The following TENM3 variants were observed in gnomAD, a reference collection of about 807,000 sequenced individuals.
TENM3 encodes the protein teneurin transmembrane protein 3.
A neutral mutation model predicts 255.1 loss-of-function variants in TENM3; 63 were observed. That is an observed-to-expected ratio of 0.25 (90% CI 0.20 to 0.30). TENM3 has a LOEUF of 0.30. Among genes scored for constraint, TENM3 ranks in the 10% least tolerant of loss-of-function variants. TENM3 has a pLI of 1.00. For synonymous variants in TENM3, 1,306 were observed against 1,322.3 expected (o/e 0.99, Z 0.27); for missense variants, 2,929 against 3,461.1 (o/e 0.85, Z 3.86).
the TENM3 span, among the ~76,000 whole-genome samples, chr4:181,599,304 GA>G: frequency 6.6e-6 from 1 of 152,008 alleles, no homozygotes; most frequent in South Asian, 2.1e-4. Context: ...AAAGAGAGAC[GA>G]TTTCAGTGAA....
intron 12 of TENM3, among the ~76,000 whole-genome samples, chr4:182,704,335 A>T (rs1423868598): frequency 6.6e-6 from 1 of 152,194 alleles, no homozygotes; most frequent in Admixed American, 6.5e-5. Context: ...TGCCTTCTGC[A>T]CCTTGAGTGT....
intron 13 of TENM3, among the ~76,000 whole-genome samples, chr4:182,715,900 T>A (rs1362592224): frequency 1.3e-5 from 2 of 152,206 alleles, no homozygotes; most frequent in Admixed American, 1.3e-4. Flanking sequence ...CTGTTTTCTC[T>A]TAACTTGGAC....
At chr4:182,494,429 T>C (rs1392068979) in intron 3 of TENM3, among the ~76,000 whole-genome samples, 1 of 152,166 alleles carries the variant, frequency 6.6e-6, no homozygotes, top group Non-Finnish European at 1.5e-5. Flanking sequence ...TTATTACTGG[T>C]TATTGTTGTT....
At chr4:181,767,211 C>G in the TENM3 span, among the ~76,000 whole-genome samples, 1 of 140,114 alleles carries the variant, frequency 7.1e-6, no homozygotes, top group African/African-American at 2.6e-5. Context: ...GAGAAGGTGC[C>G]ACTGCGCTCC....
intron 3 of TENM3, among the ~76,000 whole-genome samples, chr4:182,593,585 A>T (rs933070429): frequency 6.6e-6 from 1 of 152,164 alleles, no homozygotes; most frequent in Non-Finnish European, 1.5e-5. Context: ...GCCAGGCCAC[A>T]TGGAGATCCA....
At chr4:181,819,874 T>C in the TENM3 span, 1 of 152,074 alleles carries the variant, frequency 6.6e-6, no homozygotes, top group African/African-American at 2.4e-5. Flanking sequence ...GGCCCAGGGG[T>C]TGGGGACCCC....
At chr4:182,569,758 C>T (rs1187165469) in intron 3 of TENM3, among the ~76,000 whole-genome samples, 1 of 152,080 alleles carries the variant, frequency 6.6e-6, no homozygotes, top group Non-Finnish European at 1.5e-5. Context: ...GATGACTATG[C>T]CACAGTGGAA....
At chr4:182,312,684 G>C (rs1381945764) in intron 1 of TENM3, among the ~76,000 whole-genome samples, 1 of 152,220 alleles carries the variant, frequency 6.6e-6, no homozygotes, top group East Asian at 1.9e-4. Context: ...AAAAGTAGTG[G>C]CCTCTATATT....
At chr4:181,836,304 T>C in the TENM3 span, among the ~76,000 whole-genome samples, 1 of 152,170 alleles carries the variant, frequency 6.6e-6, no homozygotes, top group African/African-American at 2.4e-5. Context: ...GTTTTTAAAA[T>C]GAAATTATAG....
At chr4:182,478,818 A>G (rs987696666) in intron 3 of TENM3, among the ~76,000 whole-genome samples, 4 of 151,918 alleles carry the variant, frequency 2.6e-5, no homozygotes. Context: ...ACTAGTTATG[A>G]TATTATAGAT....
chr4:181,757,459 AG>A, the TENM3 span, among the ~76,000 whole-genome samples: 1 of 152,172 alleles, frequency 6.6e-6, no homozygotes, highest in Non-Finnish European at 1.5e-5. Context: ...TGAAATCGTC[AG>A]GGTGCTGGAT....
intron 3 of TENM3, among the ~76,000 whole-genome samples, chr4:182,417,956 G>T (rs1770512270): frequency 6.6e-6 from 1 of 152,058 alleles, no homozygotes; most frequent in Non-Finnish European, 1.5e-5. Flanking sequence ...TATGTCTGAA[G>T]ATTTATGTGT....
At chr4:182,070,547 G>A in the TENM3 span, among the ~76,000 whole-genome samples, 2 of 152,174 alleles carry the variant, frequency 1.3e-5, no homozygotes, top group Admixed American at 6.5e-5. Context: ...AACCTGGGAG[G>A]TGGAGGATGC....
chr4:182,005,189 T>G, the TENM3 span, among the ~76,000 whole-genome samples: 11 of 152,246 alleles, frequency 7.2e-5, no homozygotes, highest in Non-Finnish European at 1.3e-4. Flanking sequence ...TTCTAGGATA[T>G]TTATGGTTTT....
chr4:182,230,892 C>T (rs1291671732), intron 1 of TENM3, among the ~76,000 whole-genome samples: 3 of 133,558 alleles, frequency 2.2e-5, no homozygotes, highest in Non-Finnish European at 4.7e-5. Context: ...ATAATTACAG[C>T]ACACGAAGAG....
chr4:182,150,889 G>C (rs1190965377), intron 1 of TENM3, among the ~76,000 whole-genome samples: 1 of 152,072 alleles, frequency 6.6e-6, no homozygotes, highest in Non-Finnish European at 1.5e-5. Context: ...TATGAAGATA[G>C]CAGCACACTC....
At chr4:181,982,168 C>T in the TENM3 span, among the ~76,000 whole-genome samples, 1 of 152,040 alleles carries the variant, frequency 6.6e-6, no homozygotes, top group Non-Finnish European at 1.5e-5. Flanking sequence ...GAAGTAATAG[C>T]AAAAGCAGTA....
the TENM3 span, among the ~76,000 whole-genome samples, chr4:181,605,532 A>AAG: frequency 3.7e-4 from 11 of 29,702 alleles, 1 homozygote; most frequent in African/African-American, 8.5e-4. Flanking sequence ...GAAAGAAAGA[A>AAG]AGAAAGAAAG....
intron 1 of TENM3, among the ~76,000 whole-genome samples, chr4:182,237,258 G>T (rs977559833): frequency 6.6e-6 from 1 of 152,070 alleles, no homozygotes; most frequent in Non-Finnish European, 1.5e-5. Context: ...TCATTGATGG[G>T]CATTTAGGTT....
Sources: allele counts gnomAD v4.1 joint callset (sites outside exome capture counted in the v4.1 genomes callset), GRCh38; gene constraint gnomAD v4.1.1; transcripts MANE v1.5; gene names NCBI Gene and HGNC (gene_info 2026-07-23, HGNC 2026-07-21).